Variants in ARID1B observed in about 807,000 individuals in gnomAD.
ARID1B encodes the protein AT-rich interaction domain 1B.
Under a neutral mutation model 212.3 loss-of-function variants are expected in ARID1B, and 30 were observed. The observed-to-expected ratio is 0.14, with a 90% confidence interval of 0.11 to 0.19. The LOEUF is 0.19. ARID1B is among the 10% of genes least tolerant of loss of function. ARID1B has a pLI of 1.00. For synonymous variants in ARID1B, 1,402 were observed against 1,301.7 expected, an observed-to-expected ratio of 1.08 and a Z score of -1.66; for missense variants, 2,891 against 3,204.0, an observed-to-expected ratio of 0.90 and a Z score of 2.36.
At chr6:157,029,128 T>C (rs1780863696) in intron 4 of ARID1B, among the ~76,000 whole-genome samples, 1 of 152,240 alleles carries the variant, frequency 6.6e-6, no homozygotes, top group South Asian at 2.1e-4. Flanking sequence ...ATTTAAGGTC[T>C]ACTCTTGGCT....
chr6:157,200,658 T>C lies in ARID1B; in HGVS notation c.4480-47T>C. 2 of 1,537,048 alleles carry C rather than the reference T, an allele frequency of 1.3e-6. No individual in the cohort carries two copies. Among genetic ancestry groups the C allele is most frequent in the East Asian group, 4.5e-5 (2 of 44,252 alleles). ...TTTGCATAATTTCAGTGTGTGATTA[T>C]ACCTGTAAGAGCACATCAGGATGAT... On this transcript the variant is annotated intron_variant, in intron 17 of 19. Transcript: ENST00000636930. The surrounding 1 kb of genome is among the most constrained non-coding windows in gnomAD (Gnocchi z 4.3).
intron 2 of ARID1B, among the ~76,000 whole-genome samples, chr6:156,846,980 AT>A (rs1201865770): frequency 1.3e-5 from 2 of 151,796 alleles, no homozygotes; most frequent in African/African-American, 4.8e-5. Context: ...TCCTTCCAAA[AT>A]TTTTTTGACC....
chr6:156,808,393 T>G (rs1781330283), intron 1 of ARID1B, among the ~76,000 whole-genome samples: 1 of 152,192 alleles, frequency 6.6e-6, no homozygotes, highest in African/African-American at 2.4e-5. Flanking sequence ...ACTTTGTAAA[T>G]AATCTCTCTT....
At chr6:156,846,422 C>T (rs1184342647) in intron 2 of ARID1B, among the ~76,000 whole-genome samples, 2 of 151,944 alleles carry the variant, frequency 1.3e-5, no homozygotes, top group East Asian at 3.9e-4. Flanking sequence ...GCCTCGGCCT[C>T]CCAAAGTGCT....
intron 4 of ARID1B, among the ~76,000 whole-genome samples, chr6:157,040,857 G>A (rs1023901936): frequency 1.3e-5 from 2 of 152,206 alleles, no homozygotes; most frequent in African/African-American, 2.4e-5. Flanking sequence ...AAATGCTGAA[G>A]CTGTTTCACA....
intron 4 of ARID1B, among the ~76,000 whole-genome samples, chr6:157,066,974 A>C (rs1269627906): frequency 6.6e-6 from 1 of 152,058 alleles, no homozygotes; most frequent in Non-Finnish European, 1.5e-5. Flanking sequence ...AGAGAGCTGG[A>C]TTGAAATCAT....
At chr6:156,824,722 G>A (rs926882417) in intron 1 of ARID1B, among the ~76,000 whole-genome samples, 2 of 152,096 alleles carry the variant, frequency 1.3e-5, no homozygotes, top group African/African-American at 4.8e-5. Flanking sequence ...CTGAGATTGT[G>A]CCACTGCACT....
intron 1 of ARID1B, among the ~76,000 whole-genome samples, chr6:156,805,760 G>A (rs770967600): frequency 6.6e-6 from 1 of 152,226 alleles, no homozygotes; most frequent in Admixed American, 6.5e-5. Flanking sequence ...ACTGCAGCGT[G>A]TAACTCCTGG....
intron 4 of ARID1B, among the ~76,000 whole-genome samples, chr6:156,986,438 C>T (rs80180218): frequency 6.6e-6 from 1 of 152,284 alleles, no homozygotes; most frequent in East Asian, 1.9e-4. Context: ...AAGCCTGAAC[C>T]CCCTGCACGG....
chr6:156,911,048 C>T (rs554837559), intron 3 of ARID1B, among the ~76,000 whole-genome samples: 2 of 152,096 alleles, frequency 1.3e-5, no homozygotes, highest in Non-Finnish European at 2.9e-5. Flanking sequence ...GAAATAGATG[C>T]TTGATGTATA....
chr6:156,812,931 T>TGGGG (rs1274375173), intron 1 of ARID1B, among the ~76,000 whole-genome samples: 5 of 75,174 alleles, frequency 6.7e-5, no homozygotes, highest in African/African-American at 3.3e-4. Context: ...ATTATAATCC[T>TGGGG]GGGTGTGTGT....
chr6:156,822,556 T>C (rs968854475), intron 1 of ARID1B, among the ~76,000 whole-genome samples: 1 of 152,250 alleles, frequency 6.6e-6, no homozygotes, highest in East Asian at 1.9e-4. Context: ...TGGTTCTTTC[T>C]GGCTTAGAGA....
At chr6:156,954,203 CTT>C (rs531260991) in intron 4 of ARID1B, among the ~76,000 whole-genome samples, 3 of 139,946 alleles carry the variant, frequency 2.1e-5, no homozygotes, top group Admixed American at 7.1e-5. Context: ...AAATGAAGTT[CTT>C]TTTTTTTTTT....
At chr6:157,090,548 A>T (rs963302953) in intron 5 of ARID1B, among the ~76,000 whole-genome samples, 10 of 152,260 alleles carry the variant, frequency 6.6e-5, no homozygotes, top group African/African-American at 2.4e-4. Context: ...TGTTTGTTTC[A>T]TGGCTATTGT....
chr6:157,179,869 AC>A (rs1792379890), intron 11 of ARID1B, among the ~76,000 whole-genome samples: 1 of 152,218 alleles, frequency 6.6e-6, no homozygotes, highest in Admixed American at 6.5e-5. Context: ...ATGTTAGTTA[AC>A]CCCCTAAACC....
chr6:157,087,549 G>T (rs6941976), intron 5 of ARID1B, among the ~76,000 whole-genome samples: 7,574 of 152,244 alleles, frequency 0.05, 266 homozygotes, highest in African/African-American at 0.053. Flanking sequence ...TGATTCTTAC[G>T]ATGTTACGTT....
chr6:156,867,988 G>C (rs1201040262), intron 2 of ARID1B, among the ~76,000 whole-genome samples: 1 of 152,162 alleles, frequency 6.6e-6, no homozygotes, highest in Non-Finnish European at 1.5e-5. Context: ...AACTGTCCCA[G>C]TGCCTTCCTG....
chr6:156,884,336 T>C (rs1787338325), intron 2 of ARID1B, among the ~76,000 whole-genome samples: 2 of 148,120 alleles, frequency 1.4e-5, no homozygotes, highest in Non-Finnish European at 3.0e-5. Context: ...TTTTTTTTTT[T>C]GTAGTTCAGA....
intron 1 of ARID1B, among the ~76,000 whole-genome samples, chr6:156,797,019 G>A (rs1780428263): frequency 6.6e-6 from 1 of 151,064 alleles, no homozygotes; most frequent in Admixed American, 6.6e-5. Context: ...GGTGAGTCAG[G>A]GTTGGGTGGG....
Sources: allele counts gnomAD v4.1 joint callset (sites outside exome capture counted in the v4.1 genomes callset), GRCh38; gene constraint gnomAD v4.1.1; non-coding constraint Gnocchi (gnomAD v3.1); transcripts MANE v1.5; gene names NCBI Gene and HGNC (gene_info 2026-07-23, HGNC 2026-07-21).